Variants in LMTK3 observed in about 807,000 individuals in gnomAD.
LMTK3 encodes lemur tail kinase 3, also known as serine/threonine-protein kinase LMTK3.
Under a neutral mutation model 116.7 loss-of-function variants are expected in LMTK3, and 27 were observed. The observed-to-expected ratio is 0.23, with a 90% CI of 0.17 to 0.32. The LOEUF is 0.32. Ranked by LOEUF, LMTK3 falls within the 10% of genes least tolerant of loss-of-function variation. The pLI, the probability that LMTK3 is intolerant of heterozygous loss-of-function variation, is 1.00. For missense variants in LMTK3, 1,764 were observed against 2,068.5 expected, an observed-to-expected ratio of 0.85 and a Z score of 2.86; for synonymous variants, 965 against 971.0, an observed-to-expected ratio of 0.99 and a Z score of 0.11.
chr19:48,511,757 C>A lies in LMTK3; in HGVS notation c.-181G>T. On this transcript the variant is annotated 5_prime_UTR_variant, in exon 1 of 15. Coordinates refer to ENST00000600059, the MANE Select transcript of LMTK3 (RefSeq NM_001388485.1). ...TTGCTGGCTCAGGTACCCCCCTCCC[C>A]CTCTTTGAAGGGACAGACGGATGAA... The A allele has an allele frequency of 4.9e-6, 2 of 405,426 alleles. No individual in the cohort carries two copies. The highest frequency in any genetic ancestry group is 8.8e-6 in the Non-Finnish European group (2 of 227,376). The allele number at this position is 405,426 out of a possible 1,614,324, so 25.1% of individuals were successfully genotyped here. A position where few individuals can be genotyped will look rare whatever the true frequency, so the allele number is the denominator to read the frequency against.
At position 48,485,747 on chromosome 19, in the gene LMTK3, T is replaced by G. The variant is rs1163303732; in HGVS notation, c.*26A>C. 1 of 1,607,640 alleles carries G rather than the reference T, an allele frequency of 6.2e-7. No individual in the cohort carries two copies. The highest frequency in any genetic ancestry group is 1.1e-5 in the South Asian group (1 of 89,912). On this transcript the variant is annotated 3_prime_UTR_variant, in exon 15 of 15. Coordinates refer to ENST00000600059, the MANE Select transcript of LMTK3 (RefSeq NM_001388485.1). ...CCATTCTCAACCCCTCTTCTGAGGG[T>G]GCAGCGGGGTCGGGTCTTCGGGGAA...
chr19:48,509,565 C>T (rs1972624236), intron 3 of LMTK3, 52 bp from the exon 4 acceptor site: 26 of 1,446,300 alleles, frequency 1.8e-5, no homozygotes, highest in Non-Finnish European at 2.4e-5. Flanking sequence ...TTCCTGAGTG[C>T]TACCAACACA....
At chr19:48,512,051 C>T (rs573684280), upstream of LMTK3, among the ~76,000 whole-genome samples, 1 of 10,666 alleles carries the variant, frequency 9.4e-5, no homozygotes, top group Non-Finnish European at 1.8e-4. Context: ...ACACTTGCAG[C>T]GGGGGTGGGG....
rs911609604 is a variant in LMTK3, at chr19:48,497,775, C to T, written c.3294G>A (p.Ala1098=). 9.5e-6 allele frequency: 13 copies of T among 1,362,340 alleles called. No homozygotes were observed. In the Admixed American group the frequency reaches 3.3e-4, roughly 34 times the overall value. 84.4% of individuals were successfully genotyped at this position (1,362,340 alleles called of 1,614,324 possible). A position where few individuals can be genotyped will look rare whatever the true frequency, so the allele number is the denominator to read the frequency against. The change falls in exon 11 of 15, where the codon GCG becomes GCA. Residue 1098 remains alanine (A), a synonymous_variant. Transcript: ENST00000600059. This position sits in a 1 kb window ranked among gnomAD's most constrained non-coding sequence, Gnocchi z 5.7. Reference sequence around the variant, plus strand: ...GCCTCCCAGCCCCTGGGGCTCTCGGCGCCCCCCCAGTCTCGGGGGCTCTCC... The same window carrying T: ...GCCTCCCAGCCCCTGGGGCTCTCGGTGCCCCCCCAGTCTCGGGGGCTCTCC... The part of the protein sequence containing the change: ...TERRAPETGG[A]PRAPGAGRLD...
In LMTK3 at chr19:48,498,862, A is replaced by T; in HGVS notation, c.2207T>A (p.Leu736His). Reference protein sequence around the residue: ...ASAPPEFLDPLMGAAAPQYPG... With the variant: ...ASAPPEFLDPHMGAAAPQYPG... ...GTACTGGGGCGCCGCCGCCCCCATG[A>T]GGGGGTCCAGAAACTCGGGGGGGGC... Residue 736 changes from leucine to histidine, a missense_variant, in exon 11 of 15, where the codon CTC (leucine) becomes CAC (histidine). Around this residue, in one of 7 missense-constraint regions of LMTK3, gnomAD observed 1,028 missense variants for 1,050.6 expected, o/e 0.98. Transcript: ENST00000600059. 1 of 922,140 alleles carries T rather than the reference A, an allele frequency of 1.1e-6. No individual in the cohort carries two copies. Among genetic ancestry groups the T allele is most frequent in the Non-Finnish European group, 1.3e-6 (1 of 773,242 alleles). The allele number at this position is 922,140 out of a possible 1,614,324, so 57.1% of individuals were successfully genotyped here.
In LMTK3 at chr19:48,497,212, T is replaced by C. The variant is rs1169596031; in HGVS notation, c.3676+181A>G. Reference sequence around the variant, plus strand: ...ACTGAGGCACCGTGCAGCAAGGACATTTGCCCAAGGCCAAAGAGCTAGAGA... The same window carrying C: ...ACTGAGGCACCGTGCAGCAAGGACACTTGCCCAAGGCCAAAGAGCTAGAGA... On this transcript the variant is annotated intron_variant, in intron 11 of 14. Transcript: ENST00000600059. The surrounding 1 kb of genome is among the most constrained non-coding windows in gnomAD (Gnocchi z 5.7). Among the ~76,000 whole-genome samples, 1 of 152,204 alleles carries C rather than the reference T, an allele frequency of 6.6e-6. No individual in the cohort carries two copies. The highest frequency in any genetic ancestry group is 2.4e-5 in the African/African-American group (1 of 41,454).
chr19:48,513,158 C>T (rs1430735246), upstream of LMTK3: 9 of 1,603,590 alleles, frequency 5.6e-6, no homozygotes, highest in African/African-American at 4.0e-5. This position sits in a 1 kb window ranked among gnomAD's most constrained non-coding sequence, Gnocchi z 5.6. Flanking sequence ...TGCGGTTACG[C>T]AGACATTACA....
intron 4 of LMTK3, 137 bp downstream of exon 4, chr19:48,509,299 AG>A (rs2147560830): frequency 4.4e-6 from 3 of 689,124 alleles, no homozygotes; most frequent in African/African-American, 2.1e-5. Flanking sequence ...AGGTGGACGG[AG>A]GGGGGATGGG....
chr19:48,507,490 C>A (rs1408170751), intron 5 of LMTK3, among the ~76,000 whole-genome samples: 4 of 152,226 alleles, frequency 2.6e-5, no homozygotes, highest in Non-Finnish European at 5.9e-5. Context: ...TCTTCTGGAC[C>A]AGCCCTGCCT....
rs1050315392 is a variant in LMTK3 at position 48,485,588 on chromosome 19, G to T, written c.*185C>A. On this transcript the variant is annotated 3_prime_UTR_variant, in exon 15 of 15. Coordinates refer to ENST00000600059, the MANE Select transcript of LMTK3 (RefSeq NM_001388485.1). ...GGGGGTCAGGGGAGCCATCTGGGGGGCTGGGGGGCGGGGGCCCGGGGCCTC... is the reference window on the plus strand; with the variant it reads ...GGGGGTCAGGGGAGCCATCTGGGGGTCTGGGGGGCGGGGGCCCGGGGCCTC... The T allele has an allele frequency of 6.5e-6, 4 of 618,210 alleles. No homozygotes were observed. The highest frequency in any genetic ancestry group is 1.1e-5 in the Non-Finnish European group (4 of 357,662). The allele number at this position is 618,210 out of a possible 1,614,324, so 38.3% of individuals were successfully genotyped here. A position where few individuals can be genotyped will look rare whatever the true frequency, so the allele number is the denominator to read the frequency against.
In LMTK3 at chr19:48,489,070, C is replaced by T. The variant is rs116177062; in HGVS notation, c.4366+2038G>A. 9.0e-3 allele frequency among the ~76,000 whole-genome samples: 1,370 copies of T among 152,244 alleles called. 14 individuals are homozygous for T. Among genetic ancestry groups the T allele is most frequent in the African/African-American group, 0.022 (925 of 41,548 alleles). ...GACACTTCTAAGGGGAAAACAAAGC[C>T]CTTTCCTCTTGTCATCTGCTTTCTC... On this transcript the variant is annotated intron_variant, in intron 14 of 14. Coordinates refer to ENST00000600059, the MANE Select transcript of LMTK3 (RefSeq NM_001388485.1).
chr19:48,486,374 CCTA>C (rs1270853561), intron 14 of LMTK3, among the ~76,000 whole-genome samples: 2 of 151,100 alleles, frequency 1.3e-5, no homozygotes, highest in Non-Finnish European at 3.0e-5. Flanking sequence ...GAACATTCTT[CCTA>C]CGTGACTCAG....
At chr19:48,487,090 A>G (rs1272867357) in intron 14 of LMTK3, among the ~76,000 whole-genome samples, 1 of 145,026 alleles carries the variant, frequency 6.9e-6, no homozygotes, top group Non-Finnish European at 1.5e-5. Flanking sequence ...GCTGGAGTAC[A>G]GTGGCACGAT....
At chr19:48,485,810 CAG>C (rs1159756216) in intron 14 of LMTK3, 21 bp from the exon 15 acceptor site, 6 of 1,603,834 alleles carry the variant, frequency 3.7e-6, no homozygotes, top group Admixed American at 1.7e-5. Context: ...ACAGAGGAGA[CAG>C]AGAAATGAAA....
intron 14 of LMTK3, among the ~76,000 whole-genome samples, chr19:48,488,783 A>G (rs1601038921): frequency 7.0e-6 from 1 of 142,786 alleles, no homozygotes; most frequent in African/African-American, 2.6e-5. Flanking sequence ...CTTGTTGCCC[A>G]GGCTGGAGTG....
chr19:48,510,142 G>A lies in LMTK3; in HGVS notation c.242C>T (p.Ser81Phe). ...EFENPEGEDC[S>F]GEYTPPAEET... is the part of the protein sequence containing the mutation. ...CTCCGCAGGGGGAGTGTACTCCCCGGAGCAGTCCTCCCCTTCAGGGTTCTC... is the reference window on the plus strand; with the variant it reads ...CTCCGCAGGGGGAGTGTACTCCCCGAAGCAGTCCTCCCCTTCAGGGTTCTC... The change falls in exon 3 of 15, where the codon TCC (serine) becomes TTC (phenylalanine). Residue 81 changes from serine (S) to phenylalanine (F), a missense_variant. By Grantham distance (155) the Ser-to-Phe change is radical. Around this residue, in one of 7 missense-constraint regions of LMTK3, gnomAD observed 271 missense variants for 478.2 expected, o/e 0.57. Coordinates refer to ENST00000600059, the MANE Select transcript of LMTK3 (RefSeq NM_001388485.1). 1.2e-6 allele frequency: 2 copies of A among 1,613,868 alleles called. No homozygotes were observed. Among genetic ancestry groups the A allele is most frequent in the Non-Finnish European group, 1.7e-6 (2 of 1,179,818 alleles).
rs373769996 is a variant in LMTK3, at chr19:48,503,837, CCCTT to C, written c.558-845_558-842del. On this transcript the variant is annotated intron_variant, in intron 5 of 14. Coordinates refer to ENST00000600059, the MANE Select transcript of LMTK3 (RefSeq NM_001388485.1). ...TTTTTTCCTTCCTTGCTTCCTCCCTCCCTTCCTTCCTTCCTTCCTCCCTCCCTCC... is the reference window on the plus strand; with the variant it reads ...TTTTTTCCTTCCTTGCTTCCTCCCTCCCTTCCTTCCTTCCTCCCTCCCTCC... Among the ~76,000 whole-genome samples, 8 of 151,618 alleles carry C rather than the reference CCCTT, an allele frequency of 5.3e-5. No individual in the cohort carries two copies. The East Asian group carries it at 5.8e-4, about 11-fold the overall frequency.
At position 48,497,611 on chromosome 19, in the gene LMTK3, GGCGGTGGCA is replaced by G. The variant is rs774899474; in HGVS notation, c.3449_3457del (p.Leu1150_Pro1152del). The G allele has an allele frequency of 1.7e-5, 22 of 1,305,906 alleles. No individual in the cohort carries two copies. The highest frequency in any genetic ancestry group is 3.1e-5 in the African/African-American group (2 of 65,222). The allele number at this position is 1,305,906 out of a possible 1,614,324, so 80.9% of individuals were successfully genotyped here. On this transcript the variant is annotated inframe_deletion, in exon 11 of 15. Transcript: ENST00000600059. The surrounding 1 kb of genome is among the most constrained non-coding windows in gnomAD (Gnocchi z 5.7). ...CAGCCTCCTCGGCTGTGCCTCCGGT[GGCGGTGGCA>G]GCGGTGGCGGCGGTGGCTGCGGCCT...
chr19:48,498,581 G>C lies in LMTK3; in HGVS notation c.2488C>G (p.Pro830Ala), dbSNP rs1972383598. 1 of 1,553,812 alleles carries C rather than the reference G, an allele frequency of 6.4e-7. No individual in the cohort carries two copies. Among genetic ancestry groups the C allele is most frequent in the Non-Finnish European group, 8.7e-7 (1 of 1,148,918 alleles). ...TCTGGAGGTGGCCGGGGCGCTCCTGGGTCGGGTGGCTCGGGGGGAGCCCGC... is the reference window on the plus strand; with the variant it reads ...TCTGGAGGTGGCCGGGGCGCTCCTGCGTCGGGTGGCTCGGGGGGAGCCCGC... ...RPRAPPEPPDPGAPRPPPDPG... is the reference protein window; with the variant it reads ...RPRAPPEPPDAGAPRPPPDPG... The change falls in exon 11 of 15, where the codon CCA becomes GCA. Residue 830 changes from proline to alanine, a missense_variant. Transcript: ENST00000600059.
Sources: allele counts gnomAD v4.1 joint callset (sites outside exome capture counted in the v4.1 genomes callset), GRCh38; gene constraint gnomAD v4.1.1; regional missense constraint gnomAD v4.1.1; non-coding constraint Gnocchi (gnomAD v3.1); transcripts MANE v1.5; gene names NCBI Gene and HGNC (gene_info 2026-07-23, HGNC 2026-07-21).